The following RBBP8 variants were observed in gnomAD, a reference collection of about 807,000 sequenced individuals.
The protein encoded by RBBP8 is DNA endonuclease RBBP8.
A neutral mutation model predicts 108.3 loss-of-function variants in RBBP8; 88 were observed. That is an observed-to-expected ratio of 0.81 (90% CI 0.68 to 0.97). The LOEUF (loss-of-function observed/expected upper bound fraction) is 0.97. Ranked by LOEUF, RBBP8 falls within the 50% of genes least tolerant of loss-of-function variation. RBBP8 has a pLI of 0.00. For missense variants in RBBP8, 1,023 were observed against 1,049.0 expected (o/e 0.98, Z 0.34); for synonymous variants, 332 against 348.2 (o/e 0.95, Z 0.52).
At chr18:22,925,742 G>A (rs762662303) in intron 3 of RBBP8, among the ~76,000 whole-genome samples, 4 of 152,146 alleles carry the variant, frequency 2.6e-5, no homozygotes, top group South Asian at 2.1e-4. Context: ...GACTTGTTCC[G>A]ACGGTTAGCC....
intron 3 of RBBP8, among the ~76,000 whole-genome samples, chr18:22,949,321 T>C (rs1340904797): frequency 2.0e-5 from 3 of 152,088 alleles, no homozygotes; most frequent in Non-Finnish European, 4.4e-5. Flanking sequence ...ATGATGTGAG[T>C]AGAGAAATAC....
At chr18:22,988,640 TTC>T (rs1470793339) in intron 8 of RBBP8, among the ~76,000 whole-genome samples, 1 of 152,224 alleles carries the variant, frequency 6.6e-6, no homozygotes, top group African/African-American at 2.4e-5. Flanking sequence ...TCTATTGCAG[TTC>T]TCTTTTTACC....
intron 12 of RBBP8, among the ~76,000 whole-genome samples, chr18:22,994,125 A>C (rs1219023187): frequency 7.4e-6 from 1 of 135,026 alleles, no homozygotes; most frequent in Non-Finnish European, 1.5e-5. Context: ...GGTTCACACC[A>C]TTCTCCTGCC....
chr18:23,005,870 T>TAA (rs1251458778), intron 15 of RBBP8, among the ~76,000 whole-genome samples: 1 of 152,172 alleles, frequency 6.6e-6, no homozygotes, highest in Non-Finnish European at 1.5e-5. Flanking sequence ...CTCCTCATTA[T>TAA]GCAGATGCAA....
At chr18:23,014,542 G>A (rs949236106) in intron 16 of RBBP8, among the ~76,000 whole-genome samples, 7 of 152,158 alleles carry the variant, frequency 4.6e-5, no homozygotes, top group Admixed American at 1.3e-4. Flanking sequence ...GCTGAGGCAG[G>A]GGGATTACTT....
intron 1 of RBBP8, among the ~76,000 whole-genome samples, chr18:22,914,734 G>A (rs1273566793): frequency 1.3e-5 from 2 of 152,076 alleles, no homozygotes; most frequent in African/African-American, 4.8e-5. Context: ...AAAAAGCATT[G>A]GCCGGCTGGT....
intron 7 of RBBP8, among the ~76,000 whole-genome samples, chr18:22,983,259 G>A (rs8093360): frequency 0.18 from 26,735 of 152,036 alleles, 3,122 homozygotes; most frequent in African/African-American, 0.34. Flanking sequence ...CATGGGGGAC[G>A]GGGGATATAT....
intron 6 of RBBP8, 107 bp downstream of exon 6, chr18:22,975,326 G>A (rs1914423194): frequency 2.0e-6 from 3 of 1,467,832 alleles, no homozygotes; most frequent in Non-Finnish European, 2.7e-6. Flanking sequence ...GAAGTGTTCT[G>A]TAGTTAAAAA....
At chr18:22,970,650 A>G (rs1914007284) in intron 5 of RBBP8, among the ~76,000 whole-genome samples, 1 of 152,184 alleles carries the variant, frequency 6.6e-6, no homozygotes, top group Non-Finnish European at 1.5e-5. Flanking sequence ...CCAGTCAAGT[A>G]TTATTTTATA....
chr18:22,985,357 A>G lies in RBBP8; in HGVS notation c.709+367A>G, dbSNP rs376523290. ...ATAAAATTTATGTCAGATAGAAGCAAGTGCTCTGAAGAAAAGTAAAGCAGG... is the reference window on the plus strand; with the variant it reads ...ATAAAATTTATGTCAGATAGAAGCAGGTGCTCTGAAGAAAAGTAAAGCAGG... On this transcript the variant is annotated intron_variant, in intron 8 of 18. Transcript: ENST00000327155. Among the ~76,000 whole-genome samples, 42 of 152,266 alleles carry G rather than the reference A, an allele frequency of 2.8e-4. No individual in the cohort carries two copies. In the East Asian group the frequency reaches 3.9e-3, roughly 14 times the overall value.
chr18:22,986,805 G>A (rs1386343382), intron 8 of RBBP8, among the ~76,000 whole-genome samples: 2 of 152,132 alleles, frequency 1.3e-5, no homozygotes, highest in Non-Finnish European at 2.9e-5. Context: ...TAACATGTGT[G>A]TCTGTTTGTC....
chr18:22,925,440 A>T (rs1304279587), intron 3 of RBBP8, among the ~76,000 whole-genome samples: 3 of 152,232 alleles, frequency 2.0e-5, no homozygotes, highest in Non-Finnish European at 4.4e-5. Context: ...TGGATTAGAA[A>T]AAACAAAAAG....
Position 22,949,714 on chromosome 18 carries a change from G to A in RBBP8, c.248+1G>A, listed in dbSNP as rs1160100079. The A allele has an allele frequency of 6.3e-7, 1 of 1,599,694 alleles. No homozygotes were observed. The highest frequency in any genetic ancestry group is 8.6e-7 in the Non-Finnish European group (1 of 1,167,084). The stretch of plus-strand genomic sequence containing the variant: ...AAACCATTAAAGTTTTAGAAGATCG[G>A]TGAGTCTGGCACTTAGGTCTTGAGT... On this transcript the variant is annotated splice_donor_variant, in intron 4 of 18. Coordinates refer to ENST00000327155, the MANE Select transcript of RBBP8 (RefSeq NM_002894.3). LOFTEE classifies it high-confidence loss of function.
At chr18:23,006,570 C>G in intron 16 of RBBP8, 138 bp downstream of exon 16, 1 of 727,564 alleles carries the variant, frequency 1.4e-6, no homozygotes. Context: ...GGCGTAAACT[C>G]AGCTCACTGC....
At chr18:22,935,539 T>C (rs1284015320) in intron 1 of RBBP8, among the ~76,000 whole-genome samples, 2 of 152,220 alleles carry the variant, frequency 1.3e-5, no homozygotes, top group African/African-American at 4.8e-5. Flanking sequence ...TTTGTAGCTC[T>C]TGACGGTTCA....
upstream of RBBP8, among the ~76,000 whole-genome samples, chr18:22,933,024 T>TC (rs1910135722): frequency 6.6e-6 from 1 of 152,244 alleles, no homozygotes; most frequent in African/African-American, 2.4e-5. Flanking sequence ...TACAGGTCAC[T>TC]CTACACATGC....
At chr18:23,008,454 T>A (rs550927538) in intron 16 of RBBP8, among the ~76,000 whole-genome samples, 3 of 152,172 alleles carry the variant, frequency 2.0e-5, no homozygotes, top group Non-Finnish European at 4.4e-5. Flanking sequence ...ATTCCAAATG[T>A]GACTAGGTTG....
upstream of RBBP8, among the ~76,000 whole-genome samples, chr18:22,932,751 G>GA (rs1910117194): frequency 6.6e-6 from 1 of 152,116 alleles, no homozygotes; most frequent in Non-Finnish European, 1.5e-5. Context: ...ACAGCCACAA[G>GA]AAAAATGGAC....
At chr18:22,993,947 T>C in intron 12 of RBBP8, 100 bp downstream of exon 12, 1 of 1,304,206 alleles carries the variant, frequency 7.7e-7, no homozygotes, top group South Asian at 1.3e-5. Flanking sequence ...GGAAAAAAAC[T>C]TATTTCTTCC....
Sources: gnomAD v4.1 joint callset for allele counts (sites outside exome capture counted in the v4.1 genomes callset) on GRCh38, gnomAD v4.1.1 for gene constraint, MANE v1.5 for transcripts, NCBI Gene and HGNC (gene_info 2026-07-23, HGNC 2026-07-21) for gene names.